The following PLCL1 variants were observed in gnomAD, a reference collection of about 807,000 sequenced individuals.
The protein encoded by PLCL1 is inactive phospholipase C-like protein 1.
A neutral mutation model predicts 84.4 loss-of-function variants in PLCL1; 41 were observed. That is an observed-to-expected ratio of 0.49 (90% CI 0.38 to 0.63). PLCL1 has a LOEUF of 0.63. Ranked by LOEUF, PLCL1 falls within the 30% of genes least tolerant of loss-of-function variation. The pLI is 0.00. For synonymous variants in PLCL1, 490 were observed against 488.3 expected (o/e 1.00, Z -0.05); for missense variants, 1,206 against 1,367.8 (o/e 0.88, Z 1.87).
chr2:198,090,269 A>G (rs943135933), intron 3 of PLCL1, among the ~76,000 whole-genome samples: 4 of 152,204 alleles, frequency 2.6e-5, no homozygotes, highest in African/African-American at 9.6e-5. Context: ...TGATTACAAT[A>G]AAATGGGAGA....
chr2:198,050,152 C>T (rs555483221), intron 1 of PLCL1, among the ~76,000 whole-genome samples: 14 of 152,266 alleles, frequency 9.2e-5, no homozygotes, highest in Admixed American at 2.6e-4. Context: ...GGTTCTAGCT[C>T]ACAGTTGCCT....
intron 1 of PLCL1, among the ~76,000 whole-genome samples, chr2:197,811,835 CA>C (rs956154722): frequency 6.6e-6 from 1 of 152,108 alleles, no homozygotes; most frequent in Non-Finnish European, 1.5e-5. Context: ...CTTTTAGGTT[CA>C]GGGGGTGTAC....
intron 1 of PLCL1, among the ~76,000 whole-genome samples, chr2:198,043,660 T>A (rs546576194): frequency 2.6e-5 from 4 of 152,110 alleles, no homozygotes; most frequent in Non-Finnish European, 5.9e-5. Flanking sequence ...ACAATGCTCC[T>A]GGAGAGGGAG....
At chr2:197,837,138 G>A (rs1691209153) in intron 1 of PLCL1, among the ~76,000 whole-genome samples, 1 of 152,180 alleles carries the variant, frequency 6.6e-6, no homozygotes, top group African/African-American at 2.4e-5. Flanking sequence ...GTTTAAGGTT[G>A]CGGTTCAGAA....
At chr2:197,916,702 A>G (rs1337198028) in intron 1 of PLCL1, among the ~76,000 whole-genome samples, 1 of 151,922 alleles carries the variant, frequency 6.6e-6, no homozygotes, top group Non-Finnish European at 1.5e-5. Flanking sequence ...GCCCAAAAAT[A>G]AGAGTGAAGG....
intron 1 of PLCL1, among the ~76,000 whole-genome samples, chr2:197,999,659 A>G (rs953969717): frequency 5.9e-5 from 9 of 152,206 alleles, no homozygotes; most frequent in Non-Finnish European, 1.2e-4. Flanking sequence ...CCTAATGGAT[A>G]CCATAACAAA....
chr2:197,816,465 G>A (rs1690691524), intron 1 of PLCL1, among the ~76,000 whole-genome samples: 1 of 152,058 alleles, frequency 6.6e-6, no homozygotes, highest in East Asian at 1.9e-4. Flanking sequence ...TTGCTTAATT[G>A]TGATGGTCCA....
intron 5 of PLCL1, among the ~76,000 whole-genome samples, chr2:198,114,863 C>T (rs1693704870): frequency 1.3e-5 from 2 of 151,484 alleles, no homozygotes; most frequent in Admixed American, 1.3e-4. Context: ...ATATGGTATG[C>T]ACACAGACAT....
chr2:197,805,975 C>G lies in PLCL1; in HGVS notation c.240+636C>G, dbSNP rs565224939. On this transcript the variant is annotated intron_variant, in intron 1 of 5. Coordinates refer to ENST00000428675, the MANE Select transcript of PLCL1 (RefSeq NM_006226.4). This position sits in a 1 kb window ranked among gnomAD's most constrained non-coding sequence, Gnocchi z 4.0. ...CCACCACATCCAGGGAAAACGCTTCCTGACCCGCTAATCACCTCACAGAAT... is the reference window on the plus strand; with the variant it reads ...CCACCACATCCAGGGAAAACGCTTCGTGACCCGCTAATCACCTCACAGAAT... Among the ~76,000 whole-genome samples the G allele has an allele frequency of 2.1e-4, 32 of 152,226 alleles. No individual in the cohort carries two copies. Among genetic ancestry groups the G allele is most frequent in the Non-Finnish European group, 4.1e-4 (28 of 68,040 alleles).
chr2:197,965,868 C>T (rs1376132226), intron 1 of PLCL1, among the ~76,000 whole-genome samples: 1 of 151,990 alleles, frequency 6.6e-6, no homozygotes, highest in African/African-American at 2.4e-5. Flanking sequence ...TCCAAAGTTT[C>T]TCTTGTTAAT....
chr2:197,950,671 A>G (rs1689371937), intron 1 of PLCL1, among the ~76,000 whole-genome samples: 1 of 152,150 alleles, frequency 6.6e-6, no homozygotes, highest in Non-Finnish European at 1.5e-5. Context: ...AAATATTTAC[A>G]ATTGCTAATA....
chr2:197,984,935 A>G (rs1690190216), intron 1 of PLCL1, among the ~76,000 whole-genome samples: 1 of 150,498 alleles, frequency 6.6e-6, no homozygotes, highest in Admixed American at 6.6e-5. Context: ...CACTTTCATT[A>G]TGGTTTTTTT....
chr2:198,033,644 C>T (rs1321189341), intron 1 of PLCL1, among the ~76,000 whole-genome samples: 1 of 152,174 alleles, frequency 6.6e-6, no homozygotes, highest in South Asian at 2.1e-4. Context: ...GACTGTAACC[C>T]TTTATCCAAC....
At chr2:197,967,105 G>A (rs1232504819) in intron 1 of PLCL1, among the ~76,000 whole-genome samples, 2 of 152,126 alleles carry the variant, frequency 1.3e-5, no homozygotes, top group Admixed American at 1.3e-4. Flanking sequence ...AATGGGTGCT[G>A]ACATTGTGGA....
Position 197,845,275 on chromosome 2 carries a change from A to T in PLCL1, c.240+39936A>T, listed in dbSNP as rs193002100. On this transcript the variant is annotated intron_variant, in intron 1 of 5. Transcript: ENST00000428675. ...GTTTGACAATTAGCTACTAAAATAA[A>T]TATTTTACACACACATGCTAAGTGT... is the stretch of plus-strand genomic sequence containing the variant. Among the ~76,000 whole-genome samples the T allele has an allele frequency of 1.9e-4, 29 of 152,282 alleles. No individual in the cohort carries two copies. In the East Asian group the frequency reaches 5.4e-3, roughly 28 times the overall value.
chr2:197,912,198 C>T lies in PLCL1; in HGVS notation c.240+106859C>T, dbSNP rs1455626802. Reference sequence around the variant, plus strand: ...AGCAAAAAACACATGAAAAAATGCTCATCATCACTGGCCATCAGAGAAATG... The same window carrying T: ...AGCAAAAAACACATGAAAAAATGCTTATCATCACTGGCCATCAGAGAAATG... On this transcript the variant is annotated intron_variant, in intron 1 of 5. Coordinates refer to ENST00000428675, the MANE Select transcript of PLCL1 (RefSeq NM_006226.4). Among the ~76,000 whole-genome samples, 4 of 152,206 alleles carry T rather than the reference C, an allele frequency of 2.6e-5. No homozygotes were observed. In the East Asian group the frequency reaches 7.7e-4, roughly 29 times the overall value.
At chr2:197,864,753 C>G (rs1294253140) in intron 1 of PLCL1, among the ~76,000 whole-genome samples, 2 of 152,088 alleles carry the variant, frequency 1.3e-5, no homozygotes, top group Non-Finnish European at 2.9e-5. Flanking sequence ...GGATTACAGG[C>G]ATGAACACTG....
At chr2:197,840,114 A>G (rs1182522029) in intron 1 of PLCL1, among the ~76,000 whole-genome samples, 1 of 152,160 alleles carries the variant, frequency 6.6e-6, no homozygotes, top group African/African-American at 2.4e-5. Context: ...GAAAGAGTGT[A>G]TCTTAAGAAG....
intron 1 of PLCL1, among the ~76,000 whole-genome samples, chr2:198,077,183 A>G (rs1239332977): frequency 6.6e-6 from 1 of 151,836 alleles, no homozygotes; most frequent in Non-Finnish European, 1.5e-5. Context: ...CTTCCCTGGA[A>G]CCCTTTACTC....
Sources: gnomAD v4.1 joint callset for allele counts (sites outside exome capture counted in the v4.1 genomes callset) on GRCh38, gnomAD v4.1.1 for gene constraint, Gnocchi (gnomAD v3.1) non-coding constraint, MANE v1.5 for transcripts, NCBI Gene and HGNC (gene_info 2026-07-23, HGNC 2026-07-21) for gene names.